The following ZPLD1 variants were observed in gnomAD, a reference collection of about 807,000 sequenced individuals.
The protein encoded by ZPLD1 is zona pellucida like domain containing 1, also known as zona pellucida-like domain-containing protein 1.
Under a neutral mutation model 47.2 loss-of-function variants are expected in ZPLD1, and 34 were observed. That is an observed-to-expected ratio of 0.72 (90% CI 0.55 to 0.96). ZPLD1 has a LOEUF of 0.96. ZPLD1 is among the 40% of genes least tolerant of loss of function. The pLI is 0.00. For synonymous variants in ZPLD1, 176 were observed against 186.2 expected (o/e 0.95, Z 0.45); for missense variants, 512 against 505.8 (o/e 1.01, Z -0.12).
chr3:102,457,200 AG>A (rs1387332643), intron 5 of ZPLD1, among the ~76,000 whole-genome samples: 2 of 152,216 alleles, frequency 1.3e-5, no homozygotes, highest in Non-Finnish European at 1.5e-5. Flanking sequence ...TGGTTTTAAT[AG>A]CACAGTAATG....
chr3:102,418,431 G>C (rs1174721567), intron 8 of ZPLD1, among the ~76,000 whole-genome samples: 1 of 151,984 alleles, frequency 6.6e-6, no homozygotes, highest in East Asian at 1.9e-4. Context: ...CCCCTACTTG[G>C]GTGCAGGAAG....
At chr3:102,433,714 A>G (rs1167394243), upstream of ZPLD1, among the ~76,000 whole-genome samples, 2 of 152,042 alleles carry the variant, frequency 1.3e-5, no homozygotes, top group Non-Finnish European at 2.9e-5. Flanking sequence ...TTTTTTTAGA[A>G]GAGACGTGGT....
At chr3:102,437,519 T>C (rs1357594221) in intron 2 of ZPLD1, among the ~76,000 whole-genome samples, 1 of 152,228 alleles carries the variant, frequency 6.6e-6, no homozygotes, top group East Asian at 1.9e-4. Flanking sequence ...AGTAAACCAC[T>C]TGCAATTTTA....
At chr3:102,471,583 A>G (rs77853036) in intron 10 of ZPLD1, among the ~76,000 whole-genome samples, 1 of 152,156 alleles carries the variant, frequency 6.6e-6, no homozygotes, top group South Asian at 2.1e-4. Flanking sequence ...ATGTAAAGGG[A>G]TATAGATTTT....
chr3:102,397,683 G>A (rs555651333), intron 7 of ZPLD1, among the ~76,000 whole-genome samples: 1 of 152,192 alleles, frequency 6.6e-6, no homozygotes, highest in African/African-American at 2.4e-5. Flanking sequence ...ACTCCTGCAC[G>A]AATTTAGAAG....
At chr3:102,467,424 C>A (rs936121367) in intron 8 of ZPLD1, among the ~76,000 whole-genome samples, 4 of 152,000 alleles carry the variant, frequency 2.6e-5, no homozygotes, top group Admixed American at 2.6e-4. Context: ...TCAGATATCA[C>A]AATCAATAAA....
chr3:102,414,422 G>A (rs1394962370), intron 7 of ZPLD1, among the ~76,000 whole-genome samples: 1 of 151,828 alleles, frequency 6.6e-6, no homozygotes, highest in Non-Finnish European at 1.5e-5. Context: ...AAATAGGACA[G>A]TATTGGTGAG....
chr3:102,437,761 AT>A (rs1334543659), intron 2 of ZPLD1, among the ~76,000 whole-genome samples: 2 of 152,252 alleles, frequency 1.3e-5, no homozygotes, highest in Non-Finnish European at 2.9e-5. Flanking sequence ...ATTTAAAAAA[AT>A]CTTCCATTAC....
chr3:102,408,920 CAT>C lies in ZPLD1; in HGVS notation c.-156-9138_-156-9137del, dbSNP rs1446393283. ...TGATAGCATAGTGAGCTTGAGGAAA[CAT>C]ACTTGATTCTTAAAATATTTTATTA... On this transcript the variant is annotated intron_variant, in intron 7 of 17. Coordinates refer to the ZPLD1 transcript ENST00000491959. Among the ~76,000 whole-genome samples the C allele has an allele frequency of 3.3e-5, 5 of 151,864 alleles. No individual in the cohort carries two copies. The East Asian group carries it at 7.8e-4, about 24-fold the overall frequency.
chr3:102,439,387 G>C (rs573116917), intron 3 of ZPLD1, among the ~76,000 whole-genome samples: 3 of 152,278 alleles, frequency 2.0e-5, no homozygotes, highest in Admixed American at 6.5e-5. Flanking sequence ...CATAGATAAA[G>C]TGCGATTTCT....
intron 7 of ZPLD1, among the ~76,000 whole-genome samples, chr3:102,416,598 A>C (rs1426265782): frequency 1.3e-5 from 2 of 151,948 alleles, no homozygotes; most frequent in Non-Finnish European, 2.9e-5. Flanking sequence ...GAAGACCTAA[A>C]AAAAGTTTAT....
intron 7 of ZPLD1, among the ~76,000 whole-genome samples, chr3:102,416,476 G>A (rs1038601507): frequency 1.3e-5 from 2 of 151,832 alleles, no homozygotes; most frequent in African/African-American, 2.4e-5. Flanking sequence ...CGTTCAAAGC[G>A]AAACCTGAAA....
rs774251525 is a variant in ZPLD1, at chr3:102,477,626, A to G, written c.*8A>G. 1 of 1,604,830 alleles carries G rather than the reference A, an allele frequency of 6.2e-7. No individual in the cohort carries two copies. The highest frequency in any genetic ancestry group is 8.5e-7 in the Non-Finnish European group (1 of 1,176,050). ...AACCCAGTCTTTGACTGACTATAAC[A>G]GATTCCTGCTCTCTGGAGAAGGCTT... On this transcript the variant is annotated 3_prime_UTR_variant, in exon 12 of 12. Transcript: ENST00000466937.
At chr3:102,436,092 A>G (rs1707087763) in intron 1 of ZPLD1, among the ~76,000 whole-genome samples, 1 of 152,208 alleles carries the variant, frequency 6.6e-6, no homozygotes, top group African/African-American at 2.4e-5. Context: ...TGGTTAGGGT[A>G]TTAATCACTA....
At chr3:102,423,118 A>G (rs917948681) in intron 8 of ZPLD1, among the ~76,000 whole-genome samples, 1 of 152,096 alleles carries the variant, frequency 6.6e-6, no homozygotes, top group Admixed American at 6.6e-5. Flanking sequence ...ACTCTATCAA[A>G]GAAATACAAA....
chr3:102,435,442 C>T (rs1452534618), intron 1 of ZPLD1, among the ~76,000 whole-genome samples: 1 of 152,144 alleles, frequency 6.6e-6, no homozygotes, highest in Non-Finnish European at 1.5e-5. Context: ...TGTAGCTTAG[C>T]TCTAGAGTAC....
Position 102,479,333 on chromosome 3 carries a change from A to C in ZPLD1, c.*1715A>C, listed in dbSNP as rs1487745249. On this transcript the variant is annotated 3_prime_UTR_variant, in exon 12 of 12. Transcript: ENST00000466937. ...CTAATGTGACCCTGTATATACATGGATAGTATTGAAATATGCTGGTAAATC... is the reference window on the plus strand; with the variant it reads ...CTAATGTGACCCTGTATATACATGGCTAGTATTGAAATATGCTGGTAAATC... 1 of 152,226 alleles carries C rather than the reference A, an allele frequency of 6.6e-6. No homozygotes were observed. Among genetic ancestry groups the C allele is most frequent in the East Asian group, 1.9e-4 (1 of 5,204 alleles). The allele number at this position is 152,226 out of a possible 1,614,324, so 9.4% of individuals were successfully genotyped here. A position where few individuals can be genotyped will look rare whatever the true frequency, so the allele number is the denominator to read the frequency against.
intron 6 of ZPLD1, among the ~76,000 whole-genome samples, chr3:102,385,613 A>G (rs1476122018): frequency 6.6e-6 from 1 of 152,220 alleles, no homozygotes; most frequent in Non-Finnish European, 1.5e-5. Flanking sequence ...ATACTTGTGT[A>G]TACACCAGTG....
At chr3:102,413,607 T>A (rs1417566736) in intron 7 of ZPLD1, among the ~76,000 whole-genome samples, 1 of 151,732 alleles carries the variant, frequency 6.6e-6, no homozygotes, top group Non-Finnish European at 1.5e-5. Context: ...CTGGGCCCAA[T>A]GGACATTCCC....
Sources: gnomAD v4.1 joint callset for allele counts (sites outside exome capture counted in the v4.1 genomes callset) on GRCh38, gnomAD v4.1.1 for gene constraint, MANE v1.5 for transcripts, NCBI Gene and HGNC (gene_info 2026-07-23, HGNC 2026-07-21) for gene names.